Variants in HEMK2 observed in about 807,000 individuals in gnomAD.
HEMK2 encodes methyltransferase HEMK2.
the HEMK2 span, among the ~76,000 whole-genome samples, chr21:28,806,405 T>G: frequency 2.0e-5 from 3 of 152,192 alleles, no homozygotes; most frequent in African/African-American, 4.8e-5. Context: ...AATCCTTGTA[T>G]GAACCTGATA....
At chr21:28,658,339 A>G in the HEMK2 span, among the ~76,000 whole-genome samples, 1 of 152,180 alleles carries the variant, frequency 6.6e-6, no homozygotes, top group Non-Finnish European at 1.5e-5. Context: ...AAACCAATAG[A>G]GTGGGAAAGT....
the HEMK2 span, among the ~76,000 whole-genome samples, chr21:28,795,459 CAG>C: frequency 1.3e-4 from 20 of 152,324 alleles, no homozygotes; most frequent in South Asian, 4.1e-3. Context: ...CCAGTTCCAA[CAG>C]ACTCTGCTGG....
At chr21:28,733,744 A>C in the HEMK2 span, among the ~76,000 whole-genome samples, 23,797 of 151,352 alleles carry the variant, frequency 0.16, 2,222 homozygotes, top group African/African-American at 0.25. Context: ...TTTTTTAATA[A>C]TAGTTTAAGT....
At chr21:28,766,487 G>T in the HEMK2 span, among the ~76,000 whole-genome samples, 16 of 151,888 alleles carry the variant, frequency 1.1e-4, no homozygotes, top group Admixed American at 1.3e-4. Context: ...ATTTAATCCA[G>T]CAATCACACT....
At chr21:28,681,481 G>A in the HEMK2 span, among the ~76,000 whole-genome samples, 1 of 151,966 alleles carries the variant, frequency 6.6e-6, no homozygotes, top group Non-Finnish European at 1.5e-5. Context: ...ACTGCCCAAG[G>A]TAATTTATAG....
At chr21:28,811,690 T>C in the HEMK2 span, among the ~76,000 whole-genome samples, 5 of 152,202 alleles carry the variant, frequency 3.3e-5, no homozygotes, top group African/African-American at 7.2e-5. Flanking sequence ...TGTATGTGTC[T>C]GAATATTCAT....
chr21:28,691,209 C>G, the HEMK2 span, among the ~76,000 whole-genome samples: 2 of 151,698 alleles, frequency 1.3e-5, no homozygotes, highest in African/African-American at 4.9e-5. Context: ...GATGCTTCCC[C>G]TCATCTACTA....
At chr21:28,692,674 G>A in the HEMK2 span, among the ~76,000 whole-genome samples, 3 of 152,066 alleles carry the variant, frequency 2.0e-5, no homozygotes, top group Non-Finnish European at 4.4e-5. Context: ...ACATTTAAAT[G>A]TAAAACATGA....
the HEMK2 span, among the ~76,000 whole-genome samples, chr21:28,622,774 C>T: frequency 1.3e-5 from 2 of 152,078 alleles, no homozygotes; most frequent in Non-Finnish European, 2.9e-5. Flanking sequence ...AACTGGCTAG[C>T]CATATGATGC....
the HEMK2 span, among the ~76,000 whole-genome samples, chr21:28,635,654 A>G: frequency 2.6e-5 from 4 of 152,206 alleles, no homozygotes; most frequent in African/African-American, 4.8e-5. Context: ...TTTAATCCTC[A>G]TAATAGCTCC....
At chr21:28,713,037 G>C in the HEMK2 span, among the ~76,000 whole-genome samples, 3 of 152,136 alleles carry the variant, frequency 2.0e-5, no homozygotes, top group Non-Finnish European at 4.4e-5. Flanking sequence ...AAGTAAATAA[G>C]GACAAAGGTA....
At chr21:28,703,323 A>G in the HEMK2 span, among the ~76,000 whole-genome samples, 2 of 150,870 alleles carry the variant, frequency 1.3e-5, no homozygotes, top group Non-Finnish European at 3.0e-5. Flanking sequence ...ATAAAAGTTA[A>G]AAAAAAAAGG....
At chr21:28,675,552 G>A in the HEMK2 span, among the ~76,000 whole-genome samples, 5 of 152,186 alleles carry the variant, frequency 3.3e-5, no homozygotes, top group African/African-American at 1.2e-4. Flanking sequence ...ACAGAACAGG[G>A]AACATTTTAA....
chr21:28,620,135 A>T, the HEMK2 span, among the ~76,000 whole-genome samples: 1 of 152,136 alleles, frequency 6.6e-6, no homozygotes, highest in South Asian at 2.1e-4. Flanking sequence ...ATCCTGGTGG[A>T]TAAGCTTTTT....
At chr21:28,597,419 T>A in the HEMK2 span, among the ~76,000 whole-genome samples, 7 of 152,232 alleles carry the variant, frequency 4.6e-5, no homozygotes, top group African/African-American at 1.7e-4. Flanking sequence ...TGCTAAATAC[T>A]TTCTACTGTA....
the HEMK2 span, among the ~76,000 whole-genome samples, chr21:28,646,930 G>T: frequency 6.6e-6 from 1 of 152,122 alleles, no homozygotes; most frequent in Admixed American, 6.5e-5. Context: ...CATGTTGCTT[G>T]GGCCAATCCA....
chr21:28,689,566 C>G, the HEMK2 span, among the ~76,000 whole-genome samples: 1 of 152,066 alleles, frequency 6.6e-6, no homozygotes, highest in Non-Finnish European at 1.5e-5. Flanking sequence ...CAACACAAAA[C>G]AAGGTATAAG....
At chr21:28,654,394 G>GT in the HEMK2 span, among the ~76,000 whole-genome samples, 1 of 152,058 alleles carries the variant, frequency 6.6e-6, no homozygotes, top group Admixed American at 6.6e-5. Context: ...TCTCTGCTTA[G>GT]TTACTCACTT....
chr21:28,714,641 A>G, the HEMK2 span, among the ~76,000 whole-genome samples: 3 of 152,208 alleles, frequency 2.0e-5, no homozygotes, highest in Non-Finnish European at 2.9e-5. Flanking sequence ...CATAATCTTC[A>G]TTTTTAAAAA....
Sources: gnomAD v4.1 joint callset for allele counts (sites outside exome capture counted in the v4.1 genomes callset) on GRCh38, gnomAD v4.1.1 for gene constraint, MANE v1.5 for transcripts, NCBI Gene and HGNC (gene_info 2026-07-23, HGNC 2026-07-21) for gene names.